The following COL5A1 variants were observed in gnomAD, a reference collection of about 807,000 sequenced individuals.
COL5A1 encodes the protein collagen type V alpha 1 chain.
Under a neutral mutation model 263.7 loss-of-function variants are expected in COL5A1, and 16 were observed. The observed-to-expected ratio is 0.06, with a 90% confidence interval of 0.04 to 0.09. The LOEUF (loss-of-function observed/expected upper bound fraction) is 0.09, where lower values mean the gene tolerates loss of function less well. Among genes scored for constraint, COL5A1 ranks in the 10% least tolerant of loss-of-function variants. COL5A1 has a pLI of 1.00. For missense variants in COL5A1, 2,036 were observed against 2,540.5 expected (o/e 0.80, Z 4.27); for synonymous variants, 1,012 against 1,004.5 (o/e 1.01, Z -0.14).
Position 134,669,495 on chromosome 9 carries a change from G to A in COL5A1, c.110-21417G>A, listed in dbSNP as rs919482137. ...GCATTTTTGTGTTAGGGTGGTTTAC[G>A]ACCATCTCAGACTTCCACTGTCTAC... On this transcript the variant is annotated intron_variant, in intron 1 of 65. Coordinates refer to ENST00000371817, the MANE Select transcript of COL5A1 (RefSeq NM_000093.5). Among the ~76,000 whole-genome samples the A allele has an allele frequency of 3.3e-5, 5 of 151,810 alleles. 1 individual carries two copies. Among genetic ancestry groups the A allele is most frequent in the Admixed American group, 2.6e-4 (4 of 15,220 alleles).
rs1015588975 is a variant in COL5A1 at position 134,760,814 on chromosome 9, CCACATGCATACACACATGCA to C, written c.1936-1087_1936-1068del. Among the ~76,000 whole-genome samples the C allele has an allele frequency of 1.4e-4, 21 of 147,226 alleles. No homozygotes were observed. In the East Asian group the frequency reaches 1.7e-3, roughly 12 times the overall value. Reference sequence around the variant, plus strand: ...CACACGCATACACCCTGACACACCCCCACATGCATACACACATGCACACATGCATACACACATGCACACCA... The same window carrying C: ...CACACGCATACACCCTGACACACCCCCACATGCATACACACATGCACACCA... On this transcript the variant is annotated intron_variant, in intron 18 of 65. Transcript: ENST00000371817.
At position 134,818,880 on chromosome 9, in the gene COL5A1, G is replaced by A. The variant is rs756096066; in HGVS notation, c.4371G>A (p.Pro1457=). The A allele has an allele frequency of 1.1e-5, 18 of 1,612,918 alleles. No homozygotes were observed. The East Asian group carries it at 1.3e-4, about 12-fold the overall frequency. Residue 1457 remains proline (P), a synonymous_variant, in exon 56 of 66, where the codon CCG becomes CCA. Transcript: ENST00000371817. The surrounding 1 kb of genome is among the most constrained non-coding windows in gnomAD (Gnocchi z 6.0). ...GEQGLPGSPG[P]DGPPGPMGPP... Reference sequence around the variant, plus strand: ...AAGGTCTCCCAGGATCCCCAGGCCCGGACGGTCCCCCCGGCCCCATGGTGA... The same window carrying A: ...AAGGTCTCCCAGGATCCCCAGGCCCAGACGGTCCCCCCGGCCCCATGGTGA...
Position 134,690,982 on chromosome 9 carries a change from C to G in COL5A1, c.180C>G (p.Gly60=). 6.2e-7 allele frequency: 1 copy of G among 1,613,886 alleles called. No individual in the cohort carries two copies. The highest frequency in any genetic ancestry group is 8.5e-7 in the Non-Finnish European group (1 of 1,180,048). The change falls in exon 2 of 66, where the codon GGC becomes GGG. Residue 60 remains glycine, a synonymous_variant. Coordinates refer to ENST00000371817, the MANE Select transcript of COL5A1 (RefSeq NM_000093.5). The part of the protein sequence containing the change: ...NLPDGITKTT[G]FCATRRSSKG... The stretch of plus-strand genomic sequence containing the variant: ...CTGATGGAATAACAAAGACAACAGG[C>G]TTTTGCGCCACGCGGCGATCTTCCA...
At chr9:134,768,543 T>G in intron 25 of COL5A1, 80 bp downstream of exon 25, 2 of 1,441,856 alleles carry the variant, frequency 1.4e-6, no homozygotes, top group Non-Finnish European at 1.9e-6. Context: ...CCAGGCTCTT[T>G]GGGGTTGTTG....
At chr9:134,803,909 G>A (rs1056994914) in intron 39 of COL5A1, among the ~76,000 whole-genome samples, 8 of 152,180 alleles carry the variant, frequency 5.3e-5, no homozygotes, top group African/African-American at 1.7e-4. Context: ...AAAAGCAAAC[G>A]TGTTTTTATC....
intron 63 of COL5A1, among the ~76,000 whole-genome samples, chr9:134,829,694 GC>G (rs1451100131): frequency 1.3e-5 from 2 of 151,490 alleles, no homozygotes; most frequent in East Asian, 3.9e-4. Flanking sequence ...AAGGGCTGGG[GC>G]CCGGCTCCTC....
At chr9:134,781,600 G>A (rs540317759) in intron 28 of COL5A1, among the ~76,000 whole-genome samples, 1 of 152,362 alleles carries the variant, frequency 6.6e-6, no homozygotes, top group South Asian at 2.1e-4. Flanking sequence ...TACTGATTGG[G>A]CTGTGCAGGG....
intron 11 of COL5A1, among the ~76,000 whole-genome samples, chr9:134,749,000 AGC>A: frequency 6.6e-6 from 1 of 152,360 alleles, no homozygotes; most frequent in East Asian, 1.9e-4. Flanking sequence ...GCATTTTCGG[AGC>A]CCGAGGCGGG....
At position 134,755,159 on chromosome 9, in the gene COL5A1, A is replaced by G. The variant is rs1173210672; in HGVS notation, c.1827+833A>G. ...CGAGGGTCTATGCAGGGATCTGGGC[A>G]TGAAACAGAGGCCTGGGCTGGATAA... is the stretch of plus-strand genomic sequence containing the variant. On this transcript the variant is annotated intron_variant, in intron 16 of 65. Coordinates refer to ENST00000371817, the MANE Select transcript of COL5A1 (RefSeq NM_000093.5). This position sits in a 1 kb window ranked among gnomAD's most constrained non-coding sequence, Gnocchi z 4.1. 6.6e-6 allele frequency among the ~76,000 whole-genome samples: 1 copy of G among 152,194 alleles called. No individual in the cohort carries two copies. Among genetic ancestry groups the G allele is most frequent in the East Asian group, 1.9e-4 (1 of 5,190 alleles).
At chr9:134,710,833 T>G (rs1457267657) in intron 4 of COL5A1, among the ~76,000 whole-genome samples, 6 of 79,176 alleles carry the variant, frequency 7.6e-5, no homozygotes, top group East Asian at 4.3e-4. Context: ...CCCCATCTGT[T>G]GGGTGCAGTG....
chr9:134,806,233 C>A lies in COL5A1; in HGVS notation c.3303C>A (p.Ile1101=), dbSNP rs760754491. The A allele has an allele frequency of 5.2e-6, 8 of 1,550,508 alleles. No individual in the cohort carries two copies. In the Middle Eastern group the frequency reaches 8.9e-4, roughly 172 times the overall value. Residue 1101 remains isoleucine (I), a synonymous_variant, in exon 42 of 66, where the codon ATC becomes ATA. Transcript: ENST00000371817. Reference sequence around the variant, plus strand: ...GTCCAGCTGGAGCCGCTGGGCCCATCGGAATTCCAGGGAGACCTGGGCCCC... The same window carrying A: ...GTCCAGCTGGAGCCGCTGGGCCCATAGGAATTCCAGGGAGACCTGGGCCCC... ...ERGPAGAAGP[I]GIPGRPGPQG... is the part of the protein sequence containing the mutation.
At chr9:134,661,571 C>A (rs1832203938) in intron 1 of COL5A1, among the ~76,000 whole-genome samples, 1 of 151,906 alleles carries the variant, frequency 6.6e-6, no homozygotes, top group African/African-American at 2.4e-5. Flanking sequence ...CAATAGGGAG[C>A]AGAGCTGAGA....
rs750143496 is a variant in COL5A1, at chr9:134,750,882, G to A, written c.1662G>A (p.Arg554=). ...SQAQAILQQA[R]LALRGPAGPM... The stretch of plus-strand genomic sequence containing the variant: ...CGCAAGCCATTCTCCAGCAGGCCAG[G>A]GTGAGTACTGCTGGGTCCCAAGAGG... The change falls in exon 13 of 66, where the codon AGG becomes AGA. Residue 554 remains arginine (R), a splice_region_variant and synonymous_variant. Transcript: ENST00000371817. 1.2e-6 allele frequency: 2 copies of A among 1,612,276 alleles called. No homozygotes were observed. The highest frequency in any genetic ancestry group is 1.3e-5 in the African/African-American group (1 of 75,042).
At chr9:134,800,940 C>T (rs1350508062) in intron 37 of COL5A1, among the ~76,000 whole-genome samples, 3 of 152,110 alleles carry the variant, frequency 2.0e-5, no homozygotes, top group South Asian at 2.1e-4. Flanking sequence ...GAGTTTGCCT[C>T]GAGGCCTCCG....
chr9:134,744,841 C>T (rs1275457709), intron 11 of COL5A1, among the ~76,000 whole-genome samples: 1 of 148,466 alleles, frequency 6.7e-6, no homozygotes, highest in East Asian at 2.0e-4. Flanking sequence ...GCACACTCAT[C>T]CATACACATG....
At chr9:134,752,515 C>T in intron 13 of COL5A1, 74 bp from the exon 14 acceptor site, 1 of 1,173,326 alleles carries the variant, frequency 8.5e-7, no homozygotes, top group Non-Finnish European at 1.3e-6. Context: ...TGCCACATCT[C>T]ACGGCTCAGG....
intron 4 of COL5A1, among the ~76,000 whole-genome samples, chr9:134,709,733 G>C (rs1354645047): frequency 6.6e-6 from 1 of 152,216 alleles, no homozygotes; most frequent in Non-Finnish European, 1.5e-5. Flanking sequence ...TCCCAGCCCA[G>C]ACAGGAATGA....
Position 134,825,921 on chromosome 9 carries a change from C to G in COL5A1, c.5067+17C>G. On this transcript the variant is annotated intron_variant, in intron 63 of 65. Transcript: ENST00000371817. Reference sequence around the variant, plus strand: ...TCCGAAGGGGTGAGTAGCTGTGTCCCTCCATGGCCCCAGCGGGGCAGGCGT... The same window carrying G: ...TCCGAAGGGGTGAGTAGCTGTGTCCGTCCATGGCCCCAGCGGGGCAGGCGT... 1 of 1,557,972 alleles carries G rather than the reference C, an allele frequency of 6.4e-7. No individual in the cohort carries two copies. The highest frequency in any genetic ancestry group is 8.9e-7 in the Non-Finnish European group (1 of 1,129,562).
chr9:134,788,416 G>A (rs1837545312), intron 31 of COL5A1, among the ~76,000 whole-genome samples: 1 of 149,416 alleles, frequency 6.7e-6, no homozygotes, highest in African/African-American at 2.5e-5. Context: ...AGGTAGACAG[G>A]CAAATGGATG....
Sources: gnomAD v4.1 joint callset for allele counts (sites outside exome capture counted in the v4.1 genomes callset) on GRCh38, gnomAD v4.1.1 for gene constraint, Gnocchi (gnomAD v3.1) non-coding constraint, MANE v1.5 for transcripts, NCBI Gene and HGNC (gene_info 2026-07-23, HGNC 2026-07-21) for gene names.